Variants in CCDC150 observed in about 807,000 individuals in gnomAD.
CCDC150 encodes the protein coiled-coil domain-containing protein 150.
A neutral mutation model predicts 156.5 loss-of-function variants in CCDC150; 151 were observed. The observed-to-expected ratio is 0.97, with a 90% CI of 0.85 to 1.10. The LOEUF (loss-of-function observed/expected upper bound fraction) is 1.10, where lower values mean the gene tolerates loss of function less well. Among genes scored for constraint, CCDC150 ranks in the 50% least tolerant of loss-of-function variants. CCDC150 has a pLI of 0.00. For missense variants in CCDC150, 1,312 were observed against 1,268.1 expected, an observed-to-expected ratio of 1.03 and a Z score of -0.53; for synonymous variants, 452 against 429.4, an observed-to-expected ratio of 1.05 and a Z score of -0.65.
At chr2:196,700,837 AAT>A (rs1339524520) in intron 14 of CCDC150, among the ~76,000 whole-genome samples, 1 of 152,204 alleles carries the variant, frequency 6.6e-6, no homozygotes, top group Non-Finnish European at 1.5e-5. Flanking sequence ...ACTACAAAGG[AAT>A]AACTGACATA....
At chr2:196,725,216 A>G (rs1275986082) in intron 21 of CCDC150, among the ~76,000 whole-genome samples, 1 of 152,206 alleles carries the variant, frequency 6.6e-6, no homozygotes, top group Non-Finnish European at 1.5e-5. Flanking sequence ...GAAAGAACCA[A>G]TAACTCAAGA....
chr2:196,690,959 T>C (rs1695425482), intron 13 of CCDC150, among the ~76,000 whole-genome samples: 1 of 152,224 alleles, frequency 6.6e-6, no homozygotes, highest in African/African-American at 2.4e-5. Flanking sequence ...TCTATTGAGA[T>C]AATCATGTGG....
intron 21 of CCDC150, among the ~76,000 whole-genome samples, chr2:196,724,856 A>G (rs934720069): frequency 3.9e-5 from 6 of 152,222 alleles, no homozygotes; most frequent in African/African-American, 1.4e-4. Context: ...GTGTGGGAAT[A>G]TAAGAAATAA....
At chr2:196,727,342 C>A (rs1698265891) in intron 22 of CCDC150, 1 of 151,972 alleles carries the variant, frequency 6.6e-6, no homozygotes, top group Non-Finnish European at 1.5e-5. Context: ...GGAGGCAGAG[C>A]TTGCAGTGAG....
chr2:196,667,169 T>G, intron 7 of CCDC150: 1 of 347,276 alleles, frequency 2.9e-6, no homozygotes, highest in East Asian at 6.2e-5. Context: ...ATTGAATATT[T>G]GATAATAGAA....
chr2:196,706,303 A>G (rs1349354311), intron 15 of CCDC150, among the ~76,000 whole-genome samples: 6 of 152,182 alleles, frequency 3.9e-5, no homozygotes, highest in Non-Finnish European at 7.4e-5. Context: ...GAGTTCACTC[A>G]TGATTTGGCT....
chr2:196,701,746 T>C (rs1425889272), intron 15 of CCDC150, among the ~76,000 whole-genome samples: 1 of 152,222 alleles, frequency 6.6e-6, no homozygotes, highest in Non-Finnish European at 1.5e-5. Flanking sequence ...AAGTGTATGA[T>C]ATCTGCCATT....
At chr2:196,697,702 C>T (rs1237702342) in intron 14 of CCDC150, among the ~76,000 whole-genome samples, 1 of 152,124 alleles carries the variant, frequency 6.6e-6, no homozygotes, top group Non-Finnish European at 1.5e-5. Flanking sequence ...TAATAAAAAA[C>T]TTTAAAAAAT....
At chr2:196,667,189 G>A in intron 7 of CCDC150, 1 of 317,868 alleles carries the variant, frequency 3.1e-6, no homozygotes, top group Non-Finnish European at 6.0e-6. Context: ...ATATTAGTAA[G>A]GTAGTAAGGC....
Position 196,730,950 on chromosome 2 carries a change from G to T in CCDC150, c.3069+5G>T. Reference sequence around the variant, plus strand: ...GCCAGTGTGGAATCAGAACAGGTGAGCCAGACCCACGGACATAAAGACTTA... The same window carrying T: ...GCCAGTGTGGAATCAGAACAGGTGATCCAGACCCACGGACATAAAGACTTA... On this transcript the variant is annotated splice_donor_5th_base_variant and intron_variant, in intron 26 of 27. Coordinates refer to ENST00000389175, the MANE Select transcript of CCDC150 (RefSeq NM_001080539.2). The T allele has an allele frequency of 6.3e-7, 1 of 1,589,386 alleles. No individual in the cohort carries two copies. Among genetic ancestry groups the T allele is most frequent in the Admixed American group, 1.8e-5 (1 of 56,286 alleles).
At chr2:196,698,515 T>G (rs1330377911) in intron 14 of CCDC150, among the ~76,000 whole-genome samples, 1 of 152,176 alleles carries the variant, frequency 6.6e-6, no homozygotes, top group Non-Finnish European at 1.5e-5. Flanking sequence ...AAGTTATTCT[T>G]TAAAAAAAAC....
chr2:196,646,895 A>G (rs924517826), intron 2 of CCDC150, among the ~76,000 whole-genome samples: 3 of 152,078 alleles, frequency 2.0e-5, no homozygotes, highest in Non-Finnish European at 4.4e-5. Flanking sequence ...CTTCTCCCAT[A>G]TTTATTATAA....
At chr2:196,701,549 T>C (rs895918688) in intron 15 of CCDC150, among the ~76,000 whole-genome samples, 2 of 152,218 alleles carry the variant, frequency 1.3e-5, no homozygotes, top group African/African-American at 4.8e-5. Context: ...GTGAATGTGA[T>C]GATACTGTTC....
chr2:196,690,491 T>G (rs1465398958), intron 13 of CCDC150, among the ~76,000 whole-genome samples: 1 of 152,150 alleles, frequency 6.6e-6, no homozygotes, highest in Non-Finnish European at 1.5e-5. Context: ...TATAAATACA[T>G]ATACATATAA....
chr2:196,643,844 G>A (rs1448290370), intron 1 of CCDC150, among the ~76,000 whole-genome samples: 1 of 152,060 alleles, frequency 6.6e-6, no homozygotes, highest in Non-Finnish European at 1.5e-5. Flanking sequence ...TAATGCCTGG[G>A]CCTACTATAT....
At chr2:196,717,860 C>T (rs944695728) in intron 17 of CCDC150, among the ~76,000 whole-genome samples, 2 of 147,960 alleles carry the variant, frequency 1.4e-5, no homozygotes. Flanking sequence ...CATTGCACTC[C>T]AGCCTAGATG....
At chr2:196,671,138 CAT>C (rs1229930740) in intron 8 of CCDC150, among the ~76,000 whole-genome samples, 1 of 152,156 alleles carries the variant, frequency 6.6e-6, no homozygotes, top group Non-Finnish European at 1.5e-5. Flanking sequence ...TGTATAATGA[CAT>C]ATATCTACCA....
At chr2:196,685,350 A>T (rs965492196) in intron 13 of CCDC150, among the ~76,000 whole-genome samples, 3 of 152,148 alleles carry the variant, frequency 2.0e-5, no homozygotes, top group Admixed American at 6.6e-5. Context: ...AGCCTAAAGA[A>T]CTTCCTTTAG....
intron 13 of CCDC150, among the ~76,000 whole-genome samples, chr2:196,677,818 C>T (rs1279408522): frequency 6.6e-6 from 1 of 151,948 alleles, no homozygotes; most frequent in Non-Finnish European, 1.5e-5. Context: ...TAGTGAAACC[C>T]CATCTCTACT....
Sources: gnomAD v4.1 joint callset for allele counts (sites outside exome capture counted in the v4.1 genomes callset) on GRCh38, gnomAD v4.1.1 for gene constraint, MANE v1.5 for transcripts, NCBI Gene and HGNC (gene_info 2026-07-23, HGNC 2026-07-21) for gene names.